The following NLGN1 variants were observed in gnomAD, a reference collection of about 807,000 sequenced individuals.
NLGN1 encodes neuroligin 1, also known as neuroligin-1.
Under a neutral mutation model 65.5 loss-of-function variants are expected in NLGN1, and 12 were observed. That is an observed-to-expected ratio of 0.18 (90% CI 0.12 to 0.30). The LOEUF is 0.30. Ranked by LOEUF, NLGN1 falls within the 10% of genes least tolerant of loss-of-function variation. The pLI, the probability that NLGN1 is intolerant of heterozygous loss-of-function variation, is 1.00. For missense variants in NLGN1, 750 were observed against 1,007.1 expected, an observed-to-expected ratio of 0.74 and a Z score of 3.46; for synonymous variants, 350 against 359.5, an observed-to-expected ratio of 0.97 and a Z score of 0.30.
At chr3:173,397,784 G>T (rs1255570504), upstream of NLGN1, 1 of 152,214 alleles carries the variant, frequency 6.6e-6, no homozygotes, top group Non-Finnish European at 1.5e-5. Context: ...GGCGCGGAGA[G>T]CGCGCCCGGG....
intron 1 of NLGN1, among the ~76,000 whole-genome samples, chr3:173,413,375 G>A (rs764673220): frequency 1.3e-5 from 2 of 152,090 alleles, no homozygotes; most frequent in Non-Finnish European, 2.9e-5. Context: ...GCTGAGGTGG[G>A]CGGATCACAA....
Position 173,418,873 on chromosome 3 carries a change from C to T in NLGN1, c.-389-16137C>T, listed in dbSNP as rs570638830. 4.5e-4 allele frequency among the ~76,000 whole-genome samples: 69 copies of T among 151,858 alleles called. 1 individual carries two copies. Among genetic ancestry groups the T allele is most frequent in the African/African-American group, 1.7e-3 (69 of 41,448 alleles). ...ATTAAGTATGATATAAGGATCTAAA[C>T]CAAACTTGTCCAACTCACAGGCCCT... On this transcript the variant is annotated intron_variant, in intron 1 of 6. Coordinates refer to ENST00000457714, the Ensembl canonical transcript of NLGN1.
intron 4 of NLGN1, among the ~76,000 whole-genome samples, chr3:173,904,212 A>T (rs1162088348): frequency 1.3e-5 from 2 of 152,148 alleles, no homozygotes; most frequent in Admixed American, 1.3e-4. Flanking sequence ...TTAAAATAAA[A>T]GAGGTATGAT....
At chr3:173,927,932 T>A (rs1407094570) in intron 4 of NLGN1, among the ~76,000 whole-genome samples, 1 of 152,150 alleles carries the variant, frequency 6.6e-6, no homozygotes, top group Non-Finnish European at 1.5e-5. Flanking sequence ...TCTGAAGACC[T>A]GGTTGTGTCC....
chr3:173,643,308 T>C (rs1455142044), intron 3 of NLGN1, among the ~76,000 whole-genome samples: 1 of 152,086 alleles, frequency 6.6e-6, no homozygotes, highest in Non-Finnish European at 1.5e-5. Flanking sequence ...AAACTATACA[T>C]CTATAGATCC....
intron 3 of NLGN1, among the ~76,000 whole-genome samples, chr3:173,653,719 G>T (rs1223530524): frequency 1.3e-5 from 2 of 152,104 alleles, no homozygotes; most frequent in African/African-American, 4.8e-5. Flanking sequence ...GTCTGAGCTG[G>T]CCATTATGAT....
chr3:174,132,901 T>C (rs1256101359), intron 4 of NLGN1, among the ~76,000 whole-genome samples: 1 of 152,202 alleles, frequency 6.6e-6, no homozygotes, highest in Non-Finnish European at 1.5e-5. Flanking sequence ...CTCTGTCCTT[T>C]GGCCAGTGAC....
At chr3:173,627,116 T>A (rs1376304126) in intron 3 of NLGN1, among the ~76,000 whole-genome samples, 1 of 152,138 alleles carries the variant, frequency 6.6e-6, no homozygotes, top group East Asian at 1.9e-4. Context: ...TTTGTTTGTT[T>A]GTTTTTTCGG....
In NLGN1 at chr3:174,144,302, A is replaced by G. The variant is rs145635234; in HGVS notation, c.647-131013A>G. On this transcript the variant is annotated intron_variant, in intron 4 of 6. Transcript: ENST00000457714. ...GGTGTATATGTGCCACATTTTCTTT[A>G]TCCAGTCTATCATTGATGGGCATTT... is the stretch of plus-strand genomic sequence containing the variant. Among the ~76,000 whole-genome samples the G allele has an allele frequency of 2.9e-3, 448 of 152,136 alleles. 1 individual carries two copies. Among genetic ancestry groups the G allele is most frequent in the African/African-American group, 0.011 (436 of 41,486 alleles).
intron 3 of NLGN1, among the ~76,000 whole-genome samples, chr3:173,674,930 A>T (rs1277606250): frequency 6.6e-6 from 1 of 152,030 alleles, no homozygotes; most frequent in Non-Finnish European, 1.5e-5. Flanking sequence ...TTATAAAAAA[A>T]TTATATTTTT....
intron 4 of NLGN1, among the ~76,000 whole-genome samples, chr3:174,132,253 T>C (rs1720353101): frequency 6.6e-6 from 1 of 152,154 alleles, no homozygotes; most frequent in African/African-American, 2.4e-5. Flanking sequence ...GCTAAAGATA[T>C]TTACAAAACA....
intron 2 of NLGN1, among the ~76,000 whole-genome samples, chr3:173,505,753 C>T (rs1489466132): frequency 6.6e-5 from 10 of 152,020 alleles, no homozygotes; most frequent in Non-Finnish European, 1.3e-4. Context: ...CATTGGCAGT[C>T]GATTCCTCTC....
intron 4 of NLGN1, among the ~76,000 whole-genome samples, chr3:173,994,188 G>A (rs1721767130): frequency 6.6e-6 from 1 of 152,052 alleles, no homozygotes. Context: ...ACTCACTGCA[G>A]CCTTGACCTC....
At chr3:173,874,441 TTA>T (rs1301665988) in intron 4 of NLGN1, among the ~76,000 whole-genome samples, 1 of 152,234 alleles carries the variant, frequency 6.6e-6, no homozygotes, top group Non-Finnish European at 1.5e-5. Context: ...AGGCTTAAAA[TTA>T]TATGGGCATC....
chr3:174,292,953 T>C, the NLGN1 span, among the ~76,000 whole-genome samples: 1 of 151,440 alleles, frequency 6.6e-6, no homozygotes, highest in African/African-American at 2.4e-5. Context: ...AATTATACCA[T>C]GGATATGAAA....
At chr3:174,265,785 A>ATG (rs1423815195) in intron 4 of NLGN1, among the ~76,000 whole-genome samples, 1 of 137,922 alleles carries the variant, frequency 7.3e-6, no homozygotes. Flanking sequence ...ATATATATGT[A>ATG]TATATATATA....
At chr3:174,213,494 C>G (rs1221290732) in intron 4 of NLGN1, among the ~76,000 whole-genome samples, 1 of 152,050 alleles carries the variant, frequency 6.6e-6, no homozygotes, top group Non-Finnish European at 1.5e-5. Flanking sequence ...TAATAGTAAG[C>G]AATAAGTAAT....
intron 3 of NLGN1, among the ~76,000 whole-genome samples, chr3:173,660,464 A>G (rs1252712952): frequency 6.6e-6 from 1 of 151,866 alleles, no homozygotes; most frequent in Admixed American, 6.6e-5. Context: ...ATTCTATGTT[A>G]AAAGTTTCTG....
At chr3:173,623,720 A>T (rs1383204964) in intron 3 of NLGN1, among the ~76,000 whole-genome samples, 2 of 152,078 alleles carry the variant, frequency 1.3e-5, no homozygotes, top group Non-Finnish European at 2.9e-5. Flanking sequence ...GAGCTACCAG[A>T]TGTTTGTGCG....
Sources: allele counts gnomAD v4.1 joint callset (sites outside exome capture counted in the v4.1 genomes callset), GRCh38; gene constraint gnomAD v4.1.1; transcripts MANE v1.5; gene names NCBI Gene and HGNC (gene_info 2026-07-23, HGNC 2026-07-21).